SEM1: variants seen among roughly 807,000 people sequenced by gnomAD.
SEM1 encodes the protein SEM1 26S proteasome subunit.
SEM1 carries 3 observed loss-of-function variants against 12.7 expected under a neutral mutation model. The observed-to-expected ratio is 0.24, with a 90% CI of 0.11 to 0.61. SEM1 has a LOEUF of 0.61. Ranked by LOEUF, SEM1 falls within the 20% of genes least tolerant of loss-of-function variation. The pLI, the probability that SEM1 is intolerant of heterozygous loss-of-function variation, is 0.88. For synonymous variants in SEM1, 30 were observed against 27.8 expected, an observed-to-expected ratio of 1.08 and a Z score of -0.25; for missense variants, 59 against 81.3, an observed-to-expected ratio of 0.73 and a Z score of 1.06.
chr7:96,613,483 A>T (rs935729726), intron 2 of SEM1, among the ~76,000 whole-genome samples: 6 of 152,224 alleles, frequency 3.9e-5, no homozygotes, highest in Non-Finnish European at 7.3e-5. Flanking sequence ...ACATTGTAAA[A>T]TAATCAAATC....
intron 2 of SEM1, among the ~76,000 whole-genome samples, chr7:96,607,965 C>T (rs548017147): frequency 2.3e-4 from 35 of 152,252 alleles, no homozygotes; most frequent in Non-Finnish European, 2.1e-4. Context: ...AATTGCCTCT[C>T]CCCTTGAGGG....
At chr7:96,505,187 C>T (rs769207662) in intron 3 of SEM1, among the ~76,000 whole-genome samples, 3 of 152,046 alleles carry the variant, frequency 2.0e-5, no homozygotes, top group South Asian at 4.2e-4. Context: ...ACTGCAACCT[C>T]GCCTCCCAGG....
chr7:96,685,896 T>C (rs1191592982), downstream of SEM1, among the ~76,000 whole-genome samples: 2 of 152,036 alleles, frequency 1.3e-5, no homozygotes, highest in Non-Finnish European at 2.9e-5. Flanking sequence ...AAACTGTTAA[T>C]AGGCTGTTCT....
rs1297816294 is a variant in SEM1 at position 96,515,897 on chromosome 7, G to A, written c.171-9199C>T. On this transcript the variant is annotated intron_variant and NMD_transcript_variant, in intron 2 of 3. Coordinates refer to the SEM1 transcript ENST00000466986. ...GTTGCGGGGTCGGGGACTGGGGGAG[G>A]GATAGCATTAGGAGAAATACCTAAT... is the stretch of plus-strand genomic sequence containing the variant. 2.0e-5 allele frequency among the ~76,000 whole-genome samples: 3 copies of A among 151,966 alleles called. No individual in the cohort carries two copies. The East Asian group carries it at 5.8e-4, about 29-fold the overall frequency.
intron 2 of SEM1, among the ~76,000 whole-genome samples, chr7:96,554,092 TG>T (rs1805391873): frequency 6.6e-6 from 1 of 151,616 alleles, no homozygotes. Context: ...AAGGAGATTT[TG>T]GGCTGAGACA....
chr7:96,511,909 C>G lies in SEM1; in HGVS notation c.171-5211G>C, dbSNP rs980278787. ...GCTTCTCAACATTTTAAAATGCATA[C>G]AAATCACCTGACATTCTTGTTAAAT... On this transcript the variant is annotated intron_variant and NMD_transcript_variant, in intron 2 of 3. Transcript: ENST00000466986. Among the ~76,000 whole-genome samples the G allele has an allele frequency of 2.6e-5, 4 of 152,032 alleles. No homozygotes were observed. The South Asian group carries it at 8.3e-4, about 31-fold the overall frequency.
At chr7:96,703,363 G>C (rs1329969483) in intron 1 of SEM1, among the ~76,000 whole-genome samples, 5 of 152,184 alleles carry the variant, frequency 3.3e-5, no homozygotes, top group Non-Finnish European at 5.9e-5. Context: ...ACTCAGGAGT[G>C]ATGGCCATCA....
chr7:96,596,877 T>C (rs1444439596), intron 2 of SEM1, among the ~76,000 whole-genome samples: 1 of 152,204 alleles, frequency 6.6e-6, no homozygotes, highest in Non-Finnish European at 1.5e-5. Flanking sequence ...TGGTGGTTTG[T>C]TGTGTCAGCT....
intron 2 of SEM1, among the ~76,000 whole-genome samples, chr7:96,561,011 G>A (rs1805674356): frequency 6.6e-6 from 1 of 151,890 alleles, no homozygotes; most frequent in South Asian, 2.1e-4. Flanking sequence ...CAAACTTCTG[G>A]GCTCAAGCCA....
At chr7:96,524,665 A>G (rs1180296389) in intron 2 of SEM1, among the ~76,000 whole-genome samples, 1 of 151,988 alleles carries the variant, frequency 6.6e-6, no homozygotes, top group Non-Finnish European at 1.5e-5. Flanking sequence ...ATTATATTAA[A>G]AAATTATTAT....
intron 1 of SEM1, among the ~76,000 whole-genome samples, chr7:96,698,562 A>G (rs1162465761): frequency 6.6e-6 from 1 of 152,122 alleles, no homozygotes; most frequent in Non-Finnish European, 1.5e-5. Flanking sequence ...GATGGTTTCC[A>G]GCTTCATCCA....
chr7:96,654,740 T>G (rs1362209885), intron 2 of SEM1, among the ~76,000 whole-genome samples: 1 of 152,218 alleles, frequency 6.6e-6, no homozygotes, highest in Non-Finnish European at 1.5e-5. Context: ...TTATTATATA[T>G]TTGTAGGGAC....
intron 2 of SEM1, among the ~76,000 whole-genome samples, chr7:96,556,057 A>G (rs1563058785): frequency 6.6e-6 from 1 of 151,236 alleles, no homozygotes; most frequent in Non-Finnish European, 1.5e-5. Flanking sequence ...ATCTTCCTCC[A>G]TCCTTTTATT....
exon 3 of SEM1, chr7:96,673,825 T>C (rs777279419): frequency 1.7e-5 from 13 of 764,924 alleles, no homozygotes; most frequent in Non-Finnish European, 3.1e-5. Context: ...CCATACGGGG[T>C]TTCACAGACC....
chr7:96,592,892 G>T (rs142844352), intron 2 of SEM1, among the ~76,000 whole-genome samples: 5 of 150,252 alleles, frequency 3.3e-5, no homozygotes, highest in Non-Finnish European at 7.4e-5. Flanking sequence ...AAGGAACGGA[G>T]AAAGTTTAGG....
chr7:96,550,168 GTTCTA>G (rs1805225603), intron 2 of SEM1, among the ~76,000 whole-genome samples: 1 of 152,096 alleles, frequency 6.6e-6, no homozygotes, highest in South Asian at 2.1e-4. Context: ...TAGTACAACT[GTTCTA>G]TTACAACTGT....
chr7:96,597,676 GATATAT>G (rs55710405), intron 2 of SEM1, among the ~76,000 whole-genome samples: 2 of 147,062 alleles, frequency 1.4e-5, no homozygotes, highest in African/African-American at 5.0e-5. Flanking sequence ...TAGTATATAT[GATATAT>G]ATATATATAT....
chr7:96,699,386 G>A (rs923426371), intron 1 of SEM1, among the ~76,000 whole-genome samples: 2 of 152,056 alleles, frequency 1.3e-5, no homozygotes, highest in Non-Finnish European at 2.9e-5. Context: ...CTGGGTTAAT[G>A]TTTCAGCATA....
At chr7:96,670,031 G>C (rs1305736758), downstream of SEM1, among the ~76,000 whole-genome samples, 6 of 152,130 alleles carry the variant, frequency 3.9e-5, no homozygotes, top group Non-Finnish European at 8.8e-5. Flanking sequence ...GTACATAACT[G>C]AGCCAGGAGT....
Sources: allele counts gnomAD v4.1 joint callset (sites outside exome capture counted in the v4.1 genomes callset), GRCh38; gene constraint gnomAD v4.1.1; transcripts MANE v1.5; gene names NCBI Gene and HGNC (gene_info 2026-07-23, HGNC 2026-07-21).